RYR3: variants seen among roughly 807,000 people sequenced by gnomAD.
RYR3 encodes the protein ryanodine receptor 3, also known as brain ryanodine receptor-calcium release channel.
RYR3 carries 207 observed loss-of-function variants against 584.3 expected under a neutral mutation model. The ratio of observed to expected loss-of-function variants is 0.35; its 90% CI spans 0.32 to 0.40. The LOEUF (loss-of-function observed/expected upper bound fraction) is 0.40. Among genes scored for constraint, RYR3 ranks in the 10% least tolerant of loss-of-function variants. RYR3 has a pLI of 1.00. For synonymous variants in RYR3, 2,416 were observed against 2,248.5 expected (o/e 1.07, Z -2.11); for missense variants, 5,616 against 6,089.2 (o/e 0.92, Z 2.59).
At chr15:33,400,303 C>T (rs183052068) in intron 1 of RYR3, among the ~76,000 whole-genome samples, 4 of 152,118 alleles carry the variant, frequency 2.6e-5, no homozygotes, top group African/African-American at 9.7e-5. Context: ...GAAAGTGTCC[C>T]GATTTGGAAA....
intron 1 of RYR3, among the ~76,000 whole-genome samples, chr15:33,347,062 A>G (rs552800613): frequency 4.5e-4 from 69 of 152,296 alleles, no homozygotes; most frequent in Non-Finnish European, 1.2e-4. Flanking sequence ...TGCCATTTTC[A>G]TCATGTCATA....
At chr15:33,829,387 C>T (rs2077545730) in intron 85 of RYR3, among the ~76,000 whole-genome samples, 1 of 151,978 alleles carries the variant, frequency 6.6e-6, no homozygotes, top group African/African-American at 2.4e-5. Context: ...ATAGTGATTC[C>T]TCTGATGGAT....
Position 33,857,921 on chromosome 15 carries a change from GCCCA to G in RYR3, c.14142+13_14142+16del. On this transcript the variant is annotated splice_region_variant and intron_variant, in intron 99 of 103. Coordinates refer to ENST00000634891, the MANE Select transcript of RYR3 (RefSeq NM_001036.6). The stretch of plus-strand genomic sequence containing the variant: ...GTGCGACGACATGATGACGGTGAGA[GCCCA>G]CCCACTGCGGGGCCAGCCCACCCAC... 2 of 1,380,622 alleles carry G rather than the reference GCCCA, an allele frequency of 1.4e-6. No individual in the cohort carries two copies. The highest frequency in any genetic ancestry group is 3.6e-5 in the African/African-American group (1 of 27,516). 85.5% of individuals were successfully genotyped at this position (1,380,622 alleles called of 1,614,324 possible).
intron 1 of RYR3, among the ~76,000 whole-genome samples, chr15:33,328,253 A>T (rs1364310319): frequency 6.6e-6 from 1 of 152,212 alleles, no homozygotes; most frequent in Non-Finnish European, 1.5e-5. Context: ...CCACCTATGT[A>T]GTATCATGAG....
At chr15:33,520,431 C>T (rs1316305737) in intron 3 of RYR3, among the ~76,000 whole-genome samples, 3 of 152,194 alleles carry the variant, frequency 2.0e-5, no homozygotes, top group African/African-American at 7.2e-5. Context: ...CACTGGTCCA[C>T]TGTTTCATCT....
intron 57 of RYR3, among the ~76,000 whole-genome samples, chr15:33,753,837 T>C (rs905247876): frequency 2.6e-5 from 4 of 152,206 alleles, no homozygotes; most frequent in Admixed American, 2.0e-4. Flanking sequence ...GTGGTGTGAT[T>C]TGCTGATAAA....
chr15:33,398,523 G>A (rs2042433588), intron 1 of RYR3, among the ~76,000 whole-genome samples: 1 of 152,236 alleles, frequency 6.6e-6, no homozygotes, highest in East Asian at 1.9e-4. Flanking sequence ...TAGTCTGACA[G>A]AATGTCTTCA....
chr15:33,553,782 G>C (rs774865426), intron 10 of RYR3, among the ~76,000 whole-genome samples: 2 of 152,068 alleles, frequency 1.3e-5, no homozygotes, highest in Non-Finnish European at 2.9e-5. Flanking sequence ...AGCCTAGATC[G>C]GGCCTTGATT....
chr15:33,708,927 G>A (rs932927494), intron 43 of RYR3, among the ~76,000 whole-genome samples: 7 of 151,454 alleles, frequency 4.6e-5, no homozygotes, highest in South Asian at 4.2e-4. Context: ...ATAGAATGAC[G>A]GGGTGAGTGC....
At chr15:33,642,825 G>A (rs1339964218) in intron 27 of RYR3, among the ~76,000 whole-genome samples, 1 of 152,216 alleles carries the variant, frequency 6.6e-6, no homozygotes, top group Admixed American at 6.5e-5. Flanking sequence ...GTCCTAGTCT[G>A]TCCTCAGTTG....
intron 16 of RYR3, among the ~76,000 whole-genome samples, chr15:33,589,943 G>A (rs1191361499): frequency 6.6e-6 from 1 of 152,194 alleles, no homozygotes; most frequent in Non-Finnish European, 1.5e-5. Context: ...CTTTGTGTGA[G>A]CAACAAAGCT....
intron 67 of RYR3, among the ~76,000 whole-genome samples, chr15:33,793,916 C>CAT (rs1339608591): frequency 4.8e-5 from 4 of 82,544 alleles, no homozygotes; most frequent in Admixed American, 1.2e-4. Flanking sequence ...CTTACACACA[C>CAT]ACACACTCTA....
In RYR3 at chr15:33,751,002, G is replaced by A. The variant is rs557511312; in HGVS notation, c.8399+716G>A. ...GTTTTCTGTTTGGTTTTCAGTTCTTGTGTTAATTTGCTGAGAATGATGGTT... is the reference window on the plus strand; with the variant it reads ...GTTTTCTGTTTGGTTTTCAGTTCTTATGTTAATTTGCTGAGAATGATGGTT... On this transcript the variant is annotated intron_variant, in intron 57 of 103. Coordinates refer to ENST00000634891, the MANE Select transcript of RYR3 (RefSeq NM_001036.6). 2.6e-5 allele frequency among the ~76,000 whole-genome samples: 4 copies of A among 152,228 alleles called. No homozygotes were observed. The East Asian group carries it at 5.8e-4, about 22-fold the overall frequency.
chr15:33,370,711 T>A (rs2040269952), intron 1 of RYR3, among the ~76,000 whole-genome samples: 3 of 152,028 alleles, frequency 2.0e-5, no homozygotes. Context: ...ATGGAGAAAG[T>A]CAAGTAAAGC....
chr15:33,772,296 A>AAAGAAG lies in RYR3; in HGVS notation c.9055+157_9055+162dup, dbSNP rs57592758. The AAAGAAG allele has an allele frequency of 2.4e-3, 1,351 of 564,930 alleles. 1 individual carries two copies. The highest frequency in any genetic ancestry group is 8.3e-3 in the East Asian group (283 of 34,012). 35.0% of individuals were successfully genotyped at this position (564,930 alleles called of 1,614,324 possible). On this transcript the variant is annotated intron_variant, in intron 63 of 103. Coordinates refer to ENST00000634891, the MANE Select transcript of RYR3 (RefSeq NM_001036.6). ...CATGCCTTTTCTTTCTTAGATTAAA[A>AAAGAAG]AAGAAGAAGAAGAAGAAGAAGAAGT...
intron 4 of RYR3, among the ~76,000 whole-genome samples, chr15:33,532,118 T>C (rs2054931154): frequency 1.3e-5 from 2 of 152,130 alleles, no homozygotes; most frequent in Non-Finnish European, 2.9e-5. Flanking sequence ...ATTGCAATGA[T>C]TTTCCATCTT....
At chr15:33,477,575 T>TAA (rs3084422) in intron 2 of RYR3, among the ~76,000 whole-genome samples, 25,287 of 116,174 alleles carry the variant, frequency 0.22, 3,006 homozygotes, top group Admixed American at 0.28. Context: ...CTTGTTTTGT[T>TAA]AAAAAAAAAA....
At chr15:33,694,626 C>A (rs2152762202) in intron 38 of RYR3, among the ~76,000 whole-genome samples, 1 of 152,270 alleles carries the variant, frequency 6.6e-6, no homozygotes, top group East Asian at 1.9e-4. Context: ...CCAGGAGATG[C>A]AGGAACTTTT....
At chr15:33,715,738 G>C (rs574222293) in intron 43 of RYR3, among the ~76,000 whole-genome samples, 1 of 152,256 alleles carries the variant, frequency 6.6e-6, no homozygotes, top group African/African-American at 2.4e-5. Context: ...GCATCCTCTG[G>C]AGAGGAGGAA....
Sources: gnomAD v4.1 joint callset for allele counts (sites outside exome capture counted in the v4.1 genomes callset) on GRCh38, gnomAD v4.1.1 for gene constraint, MANE v1.5 for transcripts, NCBI Gene and HGNC (gene_info 2026-07-23, HGNC 2026-07-21) for gene names.